The following PAPPA2 variants were observed in gnomAD, a reference collection of about 807,000 sequenced individuals.
PAPPA2 encodes the protein pappalysin-2.
A neutral mutation model predicts 176.4 loss-of-function variants in PAPPA2; 86 were observed. The observed-to-expected ratio is 0.49, with a 90% confidence interval of 0.41 to 0.58. The LOEUF (loss-of-function observed/expected upper bound fraction) is 0.58. PAPPA2 is among the 20% of genes least tolerant of loss of function. The pLI, the probability that PAPPA2 is intolerant of heterozygous loss-of-function variation, is 0.00. For synonymous variants in PAPPA2, 809 were observed against 852.2 expected, an observed-to-expected ratio of 0.95 and a Z score of 0.88; for missense variants, 2,073 against 2,256.9, an observed-to-expected ratio of 0.92 and a Z score of 1.65.
chr1:176,468,843 A>T (rs977809897), intron 1 of PAPPA2, among the ~76,000 whole-genome samples: 3 of 152,180 alleles, frequency 2.0e-5, no homozygotes, highest in Non-Finnish European at 4.4e-5. Context: ...TGGGACATAT[A>T]TCCTTTAAAA....
chr1:176,693,387 G>A (rs1432460435), intron 6 of PAPPA2, among the ~76,000 whole-genome samples: 1 of 152,244 alleles, frequency 6.6e-6, no homozygotes, highest in Non-Finnish European at 1.5e-5. Flanking sequence ...CGGGAGTCCA[G>A]TGGAAATTCG....
At chr1:176,592,972 T>C (rs1199046956) in intron 2 of PAPPA2, among the ~76,000 whole-genome samples, 1 of 152,204 alleles carries the variant, frequency 6.6e-6, no homozygotes, top group African/African-American at 2.4e-5. Flanking sequence ...CTTACACTTC[T>C]TTAACAGATA....
At chr1:176,511,930 T>C (rs897593021) in intron 1 of PAPPA2, among the ~76,000 whole-genome samples, 1 of 152,088 alleles carries the variant, frequency 6.6e-6, no homozygotes, top group African/African-American at 2.4e-5. Flanking sequence ...AATATCAGTT[T>C]TTTTCCTTTA....
chr1:176,781,380 T>C (rs1327678104), intron 17 of PAPPA2, among the ~76,000 whole-genome samples: 3 of 136,048 alleles, frequency 2.2e-5, no homozygotes, highest in African/African-American at 8.2e-5. Flanking sequence ...TTTTTTTTTT[T>C]TTTTTTTTTT....
At chr1:176,837,760 C>A (rs567491730) in intron 21 of PAPPA2, among the ~76,000 whole-genome samples, 1 of 152,266 alleles carries the variant, frequency 6.6e-6, no homozygotes, top group South Asian at 2.1e-4. Flanking sequence ...AGACTGACAT[C>A]TTTCAGTTAT....
At chr1:176,763,091 T>C (rs1558568046) in intron 14 of PAPPA2, among the ~76,000 whole-genome samples, 1 of 152,222 alleles carries the variant, frequency 6.6e-6, no homozygotes, top group Admixed American at 6.5e-5. Flanking sequence ...TCTCAATTAT[T>C]TCAAGGTAGT....
At chr1:176,607,168 C>T (rs1051931817) in intron 3 of PAPPA2, among the ~76,000 whole-genome samples, 10 of 151,980 alleles carry the variant, frequency 6.6e-5, no homozygotes, top group South Asian at 4.2e-4. Context: ...TCAGGGTTTT[C>T]GAGGTATCCA....
At chr1:176,691,006 A>T in intron 5 of PAPPA2, 1 of 985,112 alleles carries the variant, frequency 1.0e-6, no homozygotes, top group Non-Finnish European at 1.2e-6. Flanking sequence ...CCAAAAGGTG[A>T]CATCTAATTT....
At chr1:176,834,565 C>T (rs1667197846) in intron 21 of PAPPA2, among the ~76,000 whole-genome samples, 1 of 152,192 alleles carries the variant, frequency 6.6e-6, no homozygotes, top group Admixed American at 6.5e-5. Flanking sequence ...TTGCTTCCTC[C>T]TGGGGATATC....
chr1:176,536,109 C>T (rs562971522), intron 1 of PAPPA2, among the ~76,000 whole-genome samples: 3 of 152,100 alleles, frequency 2.0e-5, no homozygotes, highest in Non-Finnish European at 4.4e-5. Flanking sequence ...GGTATCTCTA[C>T]TCACAAAAAA....
intron 1 of PAPPA2, among the ~76,000 whole-genome samples, chr1:176,489,608 CCT>C (rs140163326): frequency 6.6e-6 from 1 of 152,288 alleles, no homozygotes; most frequent in African/African-American, 2.4e-5. Context: ...ACTATATAAT[CCT>C]CTGTGTCTGC....
chr1:176,478,643 A>T (rs1242421909), intron 1 of PAPPA2, among the ~76,000 whole-genome samples: 1 of 152,262 alleles, frequency 6.6e-6, no homozygotes, highest in Non-Finnish European at 1.5e-5. Context: ...TGTCTTAACC[A>T]TGAGTATTGT....
intron 12 of PAPPA2, among the ~76,000 whole-genome samples, chr1:176,722,358 G>T (rs1661660293): frequency 6.8e-6 from 1 of 147,682 alleles, no homozygotes; most frequent in African/African-American, 2.5e-5. Context: ...ATTTGGGAAA[G>T]ATCACTTTAA....
At chr1:176,554,539 GT>G (rs778742152) in intron 1 of PAPPA2, among the ~76,000 whole-genome samples, 12 of 152,180 alleles carry the variant, frequency 7.9e-5, no homozygotes, top group Non-Finnish European at 1.5e-4. Flanking sequence ...CACTGCATAG[GT>G]TAAAATTATG....
chr1:176,681,623 C>G (rs10753134), intron 4 of PAPPA2, among the ~76,000 whole-genome samples: 76,538 of 151,942 alleles, frequency 0.5, 21,453 homozygotes, highest in African/African-American at 0.74. Flanking sequence ...AGCTTTTGTA[C>G]CAGTAGTAGA....
chr1:176,773,201 T>A (rs1664311294), intron 17 of PAPPA2, among the ~76,000 whole-genome samples: 1 of 152,196 alleles, frequency 6.6e-6, no homozygotes. Flanking sequence ...GATTAAATTA[T>A]TTACCACGTT....
At chr1:176,675,594 A>G (rs1343154202) in intron 4 of PAPPA2, among the ~76,000 whole-genome samples, 1 of 152,112 alleles carries the variant, frequency 6.6e-6, no homozygotes, top group African/African-American at 2.4e-5. Context: ...GAAGCTCTGA[A>G]AAATAAAGTG....
intron 4 of PAPPA2, among the ~76,000 whole-genome samples, chr1:176,676,469 C>G (rs1659304332): frequency 6.6e-6 from 1 of 151,062 alleles, no homozygotes; most frequent in African/African-American, 2.4e-5. Flanking sequence ...AAAAAAAAAG[C>G]CAATCTCAAA....
At chr1:176,521,793 G>GCA (rs1180420880) in intron 1 of PAPPA2, among the ~76,000 whole-genome samples, 2 of 152,168 alleles carry the variant, frequency 1.3e-5, no homozygotes, top group African/African-American at 2.4e-5. Context: ...ATACTAGAAT[G>GCA]CATGAGGAAT....
Sources: allele counts gnomAD v4.1 joint callset (sites outside exome capture counted in the v4.1 genomes callset), GRCh38; gene constraint gnomAD v4.1.1; transcripts MANE v1.5; gene names NCBI Gene and HGNC (gene_info 2026-07-23, HGNC 2026-07-21).